Variants in ARV1 observed in about 807,000 individuals in gnomAD.
ARV1 encodes the protein ARV1 fatty acid homeostasis modulator, also known as protein ARV1.
ARV1 carries 26 observed loss-of-function variants against 31.1 expected under a neutral mutation model. That is an observed-to-expected ratio of 0.84 (90% confidence interval 0.61 to 1.16). ARV1 has a LOEUF of 1.16. Among genes scored for constraint, ARV1 ranks in the 50% most tolerant of loss-of-function variants. The probability of loss-of-function intolerance (pLI) is 0.00; values close to 1 mark genes in which losing one functional copy is unlikely to be tolerated. For synonymous variants in ARV1, 117 were observed against 123.2 expected (o/e 0.95, Z 0.34); for missense variants, 281 against 324.9 (o/e 0.86, Z 1.04).
At chr1:230,990,026 G>T (rs1318579310) in intron 2 of ARV1, 84 bp from the exon 3 acceptor site, 1 of 1,361,926 alleles carries the variant, frequency 7.3e-7, no homozygotes, top group Non-Finnish European at 9.8e-7. Flanking sequence ...GACTAGGTGG[G>T]ATGCCACAAA....
chr1:230,992,899 A>G (rs986568715), intron 3 of ARV1, among the ~76,000 whole-genome samples: 1 of 152,212 alleles, frequency 6.6e-6, no homozygotes, highest in Non-Finnish European at 1.5e-5. Flanking sequence ...TGTCCAGTCT[A>G]TCGATAATTT....
intron 5 of ARV1, among the ~76,000 whole-genome samples, chr1:230,999,465 TTG>T (rs1679464375): frequency 6.6e-6 from 1 of 152,226 alleles, no homozygotes; most frequent in Admixed American, 6.5e-5. Context: ...TAGGAGTTTC[TTG>T]TGTCTTTCTG....
rs755283428 is a variant in ARV1 at position 230,997,235 on chromosome 1, A to C, written c.788A>C (p.Tyr263Ser). Reference protein sequence around the residue: ...QSMEWDVGSDYAIFKSQDF With the variant: ...QSMEWDVGSDSAIFKSQDF ...ATGGAATGGGATGTTGGAAGTGATTATGCCATCTTTAAATCTCAGGACTTC... is the reference window on the plus strand; with the variant it reads ...ATGGAATGGGATGTTGGAAGTGATTCTGCCATCTTTAAATCTCAGGACTTC... Residue 263 changes from tyrosine (Y) to serine (S), a missense_variant, in exon 5 of 6, where the codon TAT becomes TCT. Tyr to Ser is a moderately radical substitution (Grantham distance 144). Coordinates refer to ENST00000310256, the MANE Select transcript of ARV1 (RefSeq NM_022786.3). The C allele has an allele frequency of 3.1e-6, 5 of 1,614,106 alleles. No homozygotes were observed. The highest frequency in any genetic ancestry group is 4.2e-6 in the Non-Finnish European group (5 of 1,179,962).
intron 3 of ARV1, among the ~76,000 whole-genome samples, chr1:230,995,453 G>GA (rs888528357): frequency 2.6e-5 from 4 of 152,180 alleles, no homozygotes; most frequent in African/African-American, 9.6e-5. Context: ...TGTTTAAGCA[G>GA]AATCTTACTT....
rs747745548 is a variant in ARV1 at position 230,979,094 on chromosome 1, A to C, written c.-12A>C. ...CACAGAATCGGAAGTTCTGGACTGC[A>C]GTTGAGTGGAAATGGGCAACGGCGG... On this transcript the variant is annotated 5_prime_UTR_variant, in exon 1 of 6. Transcript: ENST00000310256. The C allele has an allele frequency of 5.6e-6, 9 of 1,605,758 alleles. No homozygotes were observed. Among genetic ancestry groups the C allele is most frequent in the South Asian group, 1.1e-5 (1 of 90,410 alleles).
At chr1:230,990,323 A>G (rs1679195660) in intron 3 of ARV1, 60 bp downstream of exon 3, 1 of 1,585,680 alleles carries the variant, frequency 6.3e-7, no homozygotes, top group Non-Finnish European at 8.6e-7. Flanking sequence ...TAATCTGGTT[A>G]AAACTAAGAC....
rs1420646616 is a variant in ARV1 at position 231,000,683 on chromosome 1, T to C, written c.*550T>C. 3 of 152,252 alleles carry C rather than the reference T, an allele frequency of 2.0e-5. No individual in the cohort carries two copies. Among genetic ancestry groups the C allele is most frequent in the Non-Finnish European group, 4.4e-5 (3 of 68,032 alleles). 9.4% of individuals were successfully genotyped at this position (152,252 alleles called of 1,614,324 possible). A position where few individuals can be genotyped will look rare whatever the true frequency, so the allele number is the denominator to read the frequency against. ...AGTGATAATGAAAACCACTGAGTTA[T>C]ATACTTTGCAAGGGTAAATTACATC... On this transcript the variant is annotated 3_prime_UTR_variant, in exon 6 of 6. Transcript: ENST00000310256.
At chr1:230,986,666 CTATTTTTTTTTTT>C (rs1363766609) in intron 1 of ARV1, among the ~76,000 whole-genome samples, 1,009 of 78,984 alleles carry the variant, frequency 0.013, 43 homozygotes, top group Admixed American at 0.032. Context: ...AATACTTTTC[CTATTTTTTTTTTT>C]TTTTTTTTTT....
chr1:230,996,009 T>G, intron 4 of ARV1, 25 bp downstream of exon 4: 2 of 1,581,802 alleles, frequency 1.3e-6, no homozygotes, highest in Non-Finnish European at 1.7e-6. Context: ...TTATTCTGCC[T>G]TCTCAGTTTT....
chr1:230,995,787 T>C lies in ARV1; in HGVS notation c.476T>C (p.Phe159Ser). 6.2e-7 allele frequency: 1 copy of C among 1,613,806 alleles called. No individual in the cohort carries two copies. Residue 159 changes from phenylalanine (F) to serine (S), a missense_variant, in exon 4 of 6, where the codon TTT becomes TCT. Coordinates refer to ENST00000310256, the MANE Select transcript of ARV1 (RefSeq NM_022786.3). ...LEQTAYFIGI[F>S]TFLWVERPMT... Reference sequence around the variant, plus strand: ...CAAACTGCCTATTTTATTGGCATTTTTACCTTCCTGTGGGTAGAACGGCCC... The same window carrying C: ...CAAACTGCCTATTTTATTGGCATTTCTACCTTCCTGTGGGTAGAACGGCCC...
At chr1:230,989,282 C>T (rs536592478) in intron 2 of ARV1, among the ~76,000 whole-genome samples, 13 of 152,200 alleles carry the variant, frequency 8.5e-5, no homozygotes, top group African/African-American at 3.1e-4. Flanking sequence ...GGATTACAGG[C>T]ACGCATCACC....
At chr1:230,996,379 C>G (rs1679367144) in intron 4 of ARV1, among the ~76,000 whole-genome samples, 1 of 152,148 alleles carries the variant, frequency 6.6e-6, no homozygotes, top group Admixed American at 6.5e-5. Flanking sequence ...TCTACTATAT[C>G]AGGAAGAGCA....
rs1489897179 is a variant in ARV1, at chr1:230,997,067, A to G, written c.674-54A>G. Reference sequence around the variant, plus strand: ...CAATTCATACTACCCGAAAATTTACATGTCAATATCGTTTCATTAATTCTG... The same window carrying G: ...CAATTCATACTACCCGAAAATTTACGTGTCAATATCGTTTCATTAATTCTG... On this transcript the variant is annotated intron_variant, in intron 4 of 5. Coordinates refer to ENST00000310256, the MANE Select transcript of ARV1 (RefSeq NM_022786.3). The G allele has an allele frequency of 3.2e-6, 5 of 1,577,438 alleles. No homozygotes were observed. In the African/African-American group the frequency reaches 5.5e-5, roughly 17 times the overall value.
intron 2 of ARV1, among the ~76,000 whole-genome samples, chr1:230,988,854 G>A (rs1679152350): frequency 6.6e-6 from 1 of 152,044 alleles, no homozygotes; most frequent in Non-Finnish European, 1.5e-5. Context: ...TGCTATTAAA[G>A]GAATGTATAA....
chr1:230,994,681 A>G (rs1392885980), intron 3 of ARV1, among the ~76,000 whole-genome samples: 2 of 151,974 alleles, frequency 1.3e-5, no homozygotes, highest in Non-Finnish European at 2.9e-5. Context: ...AGCTGGGACT[A>G]CAGGCGCCTG....
chr1:230,993,737 A>G (rs1679290989), intron 3 of ARV1, among the ~76,000 whole-genome samples: 1 of 152,140 alleles, frequency 6.6e-6, no homozygotes, highest in South Asian at 2.1e-4. Context: ...TCTACAAAAA[A>G]TACAAAAATT....
intron 1 of ARV1, 88 bp from the exon 2 acceptor site, chr1:230,988,232 T>G: frequency 8.2e-7 from 1 of 1,216,844 alleles, no homozygotes; most frequent in Non-Finnish European, 1.2e-6. Context: ...GCTATCTGTG[T>G]CCAAAATAGA....
At chr1:230,998,154 G>A (rs1169081646) in intron 5 of ARV1, among the ~76,000 whole-genome samples, 1 of 152,174 alleles carries the variant, frequency 6.6e-6, no homozygotes, top group Admixed American at 6.5e-5. Flanking sequence ...CCTCCCTCCA[G>A]TCACAGCCAG....
At chr1:230,979,574 G>A in intron 1 of ARV1, 1 of 369,036 alleles carries the variant, frequency 2.7e-6, no homozygotes, top group Non-Finnish European at 4.9e-6. Flanking sequence ...TGACATTTTG[G>A]TTCATGCCAA....
Sources: gnomAD v4.1 joint callset for allele counts (sites outside exome capture counted in the v4.1 genomes callset) on GRCh38, gnomAD v4.1.1 for gene constraint, MANE v1.5 for transcripts, NCBI Gene and HGNC (gene_info 2026-07-23, HGNC 2026-07-21) for gene names.